SNTB1: variants seen among roughly 807,000 people sequenced by gnomAD.
SNTB1 encodes the protein syntrophin beta 1, also known as beta-1-syntrophin.
A neutral mutation model predicts 48.9 loss-of-function variants in SNTB1; 36 were observed. The ratio of observed to expected loss-of-function variants is 0.74; its 90% CI spans 0.56 to 0.97. SNTB1 has a LOEUF of 0.97. SNTB1 is among the 50% of genes least tolerant of loss of function. The pLI, the probability that SNTB1 is intolerant of heterozygous loss-of-function variation, is 0.00. For synonymous variants in SNTB1, 299 were observed against 294.6 expected, an observed-to-expected ratio of 1.01 and a Z score of -0.15; for missense variants, 786 against 703.4, an observed-to-expected ratio of 1.12 and a Z score of -1.33.
chr8:120,643,968 C>T (rs1587057306), intron 2 of SNTB1, among the ~76,000 whole-genome samples: 1 of 152,094 alleles, frequency 6.6e-6, no homozygotes. Context: ...GAGAATTAGG[C>T]TCCACTAGGA....
rs370341960 is a variant in SNTB1 at position 120,811,704 on chromosome 8, A to C, written c.140T>G (p.Val47Gly). 7 of 1,579,972 alleles carry C rather than the reference A, an allele frequency of 4.4e-6. No individual in the cohort carries two copies. The highest frequency in any genetic ancestry group is 1.4e-5 in the African/African-American group (1 of 70,942). The change falls in exon 1 of 7, where the codon GTT (valine) becomes GGT (glycine). Residue 47 changes from valine to glycine, a missense_variant. By Grantham distance (109) the Val-to-Gly change is moderately radical. Coordinates refer to ENST00000517992, the MANE Select transcript of SNTB1 (RefSeq NM_021021.4). ...CGCAGCGCCCTCCTCGCTGCTCAGAACCAGGGCGTCCTCGCTCAAGTTCAC... is the reference window on the plus strand; with the variant it reads ...CGCAGCGCCCTCCTCGCTGCTCAGACCCAGGGCGTCCTCGCTCAAGTTCAC... ...VLVNLSEDAL[V>G]LSSEEGAAAY... is the part of the protein sequence containing the mutation.
At chr8:120,710,944 A>G (rs1208357160) in intron 1 of SNTB1, among the ~76,000 whole-genome samples, 1 of 152,238 alleles carries the variant, frequency 6.6e-6, no homozygotes, top group South Asian at 2.1e-4. Context: ...CTTCCTGGGT[A>G]CTGATATGAA....
intron 1 of SNTB1, among the ~76,000 whole-genome samples, chr8:120,810,924 G>A (rs1022225414): frequency 6.6e-6 from 1 of 151,634 alleles, no homozygotes; most frequent in African/African-American, 2.4e-5. Context: ...CCATATCCCA[G>A]TCCCTACACT....
In SNTB1 at chr8:120,784,392, T is replaced by C. The variant is rs1323435511; in HGVS notation, c.571+26881A>G. On this transcript the variant is annotated intron_variant, in intron 1 of 6. Transcript: ENST00000517992. ...CTCAGATACAGAGGGATGACTATAC[T>C]AGATCTCCTATAATATCTCAATAAA... Among the ~76,000 whole-genome samples, 3 of 152,178 alleles carry C rather than the reference T, an allele frequency of 2.0e-5. No homozygotes were observed. The East Asian group carries it at 5.8e-4, about 29-fold the overall frequency.
chr8:120,723,721 C>G (rs1818707925), intron 1 of SNTB1, among the ~76,000 whole-genome samples: 1 of 152,216 alleles, frequency 6.6e-6, no homozygotes, highest in South Asian at 2.1e-4. Flanking sequence ...CTTGACCTCT[C>G]TCAAATTTTC....
At chr8:120,578,984 C>T (rs1815995534) in intron 3 of SNTB1, among the ~76,000 whole-genome samples, 1 of 152,112 alleles carries the variant, frequency 6.6e-6, no homozygotes, top group Non-Finnish European at 1.5e-5. Flanking sequence ...TGAGACCAGG[C>T]TGGCCAGCAT....
chr8:120,591,718 A>G (rs908605071), intron 3 of SNTB1, among the ~76,000 whole-genome samples: 5 of 152,168 alleles, frequency 3.3e-5, no homozygotes. Context: ...TGAGTCCTTT[A>G]GAGACTTGTT....
intron 1 of SNTB1, among the ~76,000 whole-genome samples, chr8:120,746,631 T>A (rs973371381): frequency 6.6e-6 from 1 of 152,208 alleles, no homozygotes; most frequent in African/African-American, 2.4e-5. Flanking sequence ...CAAGTGGTCA[T>A]TTTTCTAAAT....
At chr8:120,632,801 C>A (rs1244112883) in intron 2 of SNTB1, 150 bp from the exon 3 acceptor site, 4 of 665,744 alleles carry the variant, frequency 6.0e-6, no homozygotes, top group African/African-American at 1.8e-5. Context: ...GCCATCCATT[C>A]GTTCACTCAT....
chr8:120,698,429 T>C (rs1049609321), intron 1 of SNTB1, among the ~76,000 whole-genome samples: 2 of 152,148 alleles, frequency 1.3e-5, no homozygotes, highest in African/African-American at 4.8e-5. Context: ...TTCATATCTA[T>C]CCTGAGGGAG....
chr8:120,674,136 T>TA (rs1463945048), intron 2 of SNTB1, among the ~76,000 whole-genome samples: 3 of 152,146 alleles, frequency 2.0e-5, no homozygotes, highest in African/African-American at 4.8e-5. Context: ...AAGGCACCAT[T>TA]AAAAAATCAT....
At chr8:120,713,191 T>C (rs987758477) in intron 1 of SNTB1, among the ~76,000 whole-genome samples, 1 of 152,156 alleles carries the variant, frequency 6.6e-6, no homozygotes, top group Non-Finnish European at 1.5e-5. Context: ...TTCAGCCTCC[T>C]CATCTATAGA....
chr8:120,691,657 A>G (rs1818129038), intron 2 of SNTB1, among the ~76,000 whole-genome samples: 1 of 152,208 alleles, frequency 6.6e-6, no homozygotes, highest in South Asian at 2.1e-4. Context: ...CCACTTTTCT[A>G]GAAAAGCAGA....
At chr8:120,799,802 T>A (rs777303481) in intron 1 of SNTB1, among the ~76,000 whole-genome samples, 7 of 152,000 alleles carry the variant, frequency 4.6e-5, no homozygotes, top group Non-Finnish European at 1.0e-4. Context: ...AAGAAATACC[T>A]AACAAATCTA....
At chr8:120,592,266 C>T (rs77705220) in intron 3 of SNTB1, among the ~76,000 whole-genome samples, 2 of 152,238 alleles carry the variant, frequency 1.3e-5, no homozygotes, top group African/African-American at 4.8e-5. Flanking sequence ...GCTGCAGCCT[C>T]AAACTCTTGG....
chr8:120,626,447 G>A (rs1243992874), intron 3 of SNTB1, among the ~76,000 whole-genome samples: 3 of 152,062 alleles, frequency 2.0e-5, no homozygotes, highest in Admixed American at 6.6e-5. Flanking sequence ...TTATCAAAAT[G>A]TTAAAAACTG....
rs114678673 is a variant in SNTB1 at position 120,582,577 on chromosome 8, A to G, written c.997-7352T>C. On this transcript the variant is annotated intron_variant, in intron 3 of 6. Coordinates refer to ENST00000517992, the MANE Select transcript of SNTB1 (RefSeq NM_021021.4). ...GAGAGAGAAGACACAAATTATGAAT[A>G]TCAGAAATGAAATGAGTTCATGTCC... Among the ~76,000 whole-genome samples, 1,083 of 152,302 alleles carry G rather than the reference A, an allele frequency of 7.1e-3. 13 individuals are homozygous for G. Among genetic ancestry groups the G allele is most frequent in the African/African-American group, 0.024 (994 of 41,554 alleles).
chr8:120,801,499 A>C (rs1359893183), intron 1 of SNTB1, among the ~76,000 whole-genome samples: 1 of 152,086 alleles, frequency 6.6e-6, no homozygotes, highest in East Asian at 1.9e-4. Context: ...TTAGAAGGAA[A>C]GGAGTTTAAT....
intron 1 of SNTB1, among the ~76,000 whole-genome samples, chr8:120,744,124 T>A (rs1476439902): frequency 2.7e-5 from 4 of 150,880 alleles, no homozygotes; most frequent in Non-Finnish European, 4.4e-5. Flanking sequence ...TGTCTCAATT[T>A]TTTTTTTTTT....
Sources: gnomAD v4.1 joint callset for allele counts (sites outside exome capture counted in the v4.1 genomes callset) on GRCh38, gnomAD v4.1.1 for gene constraint, MANE v1.5 for transcripts, NCBI Gene and HGNC (gene_info 2026-07-23, HGNC 2026-07-21) for gene names.